The following RCC2 variants were observed in gnomAD, a reference collection of about 807,000 sequenced individuals.
RCC2 encodes the protein regulator of chromosome condensation 2.
A neutral mutation model predicts 64.1 loss-of-function variants in RCC2; 19 were observed. The ratio of observed to expected loss-of-function variants is 0.30; its 90% CI spans 0.21 to 0.44. The LOEUF (loss-of-function observed/expected upper bound fraction) is 0.44, where lower values mean the gene tolerates loss of function less well. RCC2 is among the 20% of genes least tolerant of loss of function. RCC2 has a pLI of 1.00. For missense variants in RCC2, 508 were observed against 710.4 expected (o/e 0.72, Z 3.24); for synonymous variants, 325 against 279.6 (o/e 1.16, Z -1.62).
At chr1:17,430,755 TC>T (rs781191004) in intron 2 of RCC2, among the ~76,000 whole-genome samples, 2 of 150,278 alleles carry the variant, frequency 1.3e-5, no homozygotes, top group Non-Finnish European at 3.0e-5. Flanking sequence ...ACCATTGCAC[TC>T]CCAGTGTTGC....
At chr1:17,413,873 C>G (rs2075453024) in intron 8 of RCC2, among the ~76,000 whole-genome samples, 156 bp from the exon 9 acceptor site, 1 of 152,228 alleles carries the variant, frequency 6.6e-6, no homozygotes, top group Admixed American at 6.5e-5. Flanking sequence ...TGGTTCACAT[C>G]TAATCCCAAC....
intron 9 of RCC2, 86 bp from the exon 10 acceptor site, chr1:17,413,264 C>T (rs913369120): frequency 5.8e-6 from 6 of 1,036,844 alleles, no homozygotes; most frequent in Admixed American, 4.0e-5. Flanking sequence ...GAAAAGAGGA[C>T]GGGATGGCAA....
intron 2 of RCC2, among the ~76,000 whole-genome samples, chr1:17,431,362 A>ATATC (rs1243840895): frequency 2.2e-5 from 1 of 44,854 alleles, no homozygotes; most frequent in African/African-American, 7.6e-5. Flanking sequence ...AAAAAAAAAT[A>ATATC]TATATATATA....
Position 17,416,398 on chromosome 1 carries a change from A to G in RCC2, c.1026+82T>C, listed in dbSNP as rs1282315049. On this transcript the variant is annotated intron_variant, in intron 8 of 12. Transcript: ENST00000375436. ...CTACCTGGGATCAGTTCCTAGCCAA[A>G]GCCAAGCGTCAGGAAACTTGAGCAT... 3.1e-5 allele frequency: 45 copies of G among 1,472,496 alleles called. 1 individual carries two copies. In the Middle Eastern group the frequency reaches 7.5e-4, roughly 25 times the overall value. 91.2% of individuals were successfully genotyped at this position (1,472,496 alleles called of 1,614,324 possible).
intron 8 of RCC2, among the ~76,000 whole-genome samples, chr1:17,416,026 G>A (rs1356209058): frequency 3.9e-5 from 5 of 129,470 alleles, no homozygotes; most frequent in African/African-American, 1.5e-4. Context: ...CCGAGATCAC[G>A]CCATTGCACT....
rs2075445397 is a variant in RCC2, at chr1:17,413,196, A to G, written c.1208-18T>C. On this transcript the variant is annotated intron_variant, in intron 9 of 12. Coordinates refer to ENST00000375436, the MANE Select transcript of RCC2 (RefSeq NM_018715.4). ...CAGACCACCTAAGGGAAGACAAAAC[A>G]TGTTCCCAGCGTGACCAGACATCGA... 2 of 1,552,536 alleles carry G rather than the reference A, an allele frequency of 1.3e-6. No individual in the cohort carries two copies. The highest frequency in any genetic ancestry group is 2.2e-5 in the East Asian group (1 of 44,458).
chr1:17,411,166 A>G (rs560624015), intron 11 of RCC2, among the ~76,000 whole-genome samples: 1 of 152,274 alleles, frequency 6.6e-6, no homozygotes, highest in East Asian at 1.9e-4. Context: ...GCTTCTAACA[A>G]GAAATAAGGG....
At chr1:17,421,290 A>AT (rs1433170573) in intron 6 of RCC2, among the ~76,000 whole-genome samples, 1 of 151,966 alleles carries the variant, frequency 6.6e-6, no homozygotes, top group African/African-American at 2.4e-5. Context: ...AAGTCAAGAG[A>AT]TGGAGACCAT....
chr1:17,413,489 C>G, intron 9 of RCC2, 48 bp downstream of exon 9: 1 of 1,582,374 alleles, frequency 6.3e-7, no homozygotes, highest in Non-Finnish European at 8.7e-7. Flanking sequence ...AATGGCTACA[C>G]GGTTCCGCAC....
At chr1:17,423,086 G>A (rs1482945260) in intron 4 of RCC2, among the ~76,000 whole-genome samples, 1 of 152,170 alleles carries the variant, frequency 6.6e-6, no homozygotes, top group African/African-American at 2.4e-5. Flanking sequence ...CACCTCCCAC[G>A]TCTCTGCTAC....
intron 7 of RCC2, among the ~76,000 whole-genome samples, chr1:17,416,947 GTATTA>G (rs748771261): frequency 2.3e-4 from 35 of 152,168 alleles, no homozygotes; most frequent in Admixed American, 5.2e-4. Context: ...TCCAGGTAAG[GTATTA>G]TACGTTCAGA....
chr1:17,421,282 G>C (rs1200007471), intron 6 of RCC2, among the ~76,000 whole-genome samples: 1 of 152,048 alleles, frequency 6.6e-6, no homozygotes, highest in Non-Finnish European at 1.5e-5. Flanking sequence ...AGATCAGGAA[G>C]TCAAGAGATG....
chr1:17,412,976 G>A, intron 10 of RCC2, 97 bp downstream of exon 10: 1 of 863,484 alleles, frequency 1.2e-6, no homozygotes, highest in Admixed American at 2.2e-5. Context: ...ACAGGCAGCA[G>A]AAACAGAGCC....
intron 12 of RCC2, among the ~76,000 whole-genome samples, 173 bp from the exon 13 acceptor site, chr1:17,409,367 A>C (rs945308966): frequency 6.6e-6 from 1 of 152,236 alleles, no homozygotes; most frequent in Non-Finnish European, 1.5e-5. Flanking sequence ...TGTGACTGCC[A>C]CCAACGCTCT....
At chr1:17,430,100 A>G (rs1394523730) in intron 2 of RCC2, among the ~76,000 whole-genome samples, 1 of 152,126 alleles carries the variant, frequency 6.6e-6, no homozygotes, top group African/African-American at 2.4e-5. Flanking sequence ...TGAACTCCTC[A>G]CTCAGTCCAC....
At position 17,437,705 on chromosome 1, in the gene RCC2, C is replaced by A. The variant is rs1322727053; in HGVS notation, c.285+525G>T. On this transcript the variant is annotated intron_variant, in intron 2 of 12. Transcript: ENST00000375436. Reference sequence around the variant, plus strand: ...GCGGCGGCCGTCAGGCCCCGCCCCCCCCGGGCGCCGGAGCCGAGGCGGCGG... The same window carrying A: ...GCGGCGGCCGTCAGGCCCCGCCCCCACCGGGCGCCGGAGCCGAGGCGGCGG... Among the ~76,000 whole-genome samples, 9 of 808 alleles carry A rather than the reference C, an allele frequency of 0.011. No homozygotes were observed. In the South Asian group the frequency reaches 0.15, roughly 14 times the overall value. 0.5% of individuals were successfully genotyped at this position (808 alleles called of 152,430 possible). A position where few individuals can be genotyped will look rare whatever the true frequency, so the allele number is the denominator to read the frequency against.
intron 2 of RCC2, among the ~76,000 whole-genome samples, chr1:17,433,232 T>C (rs1185863122): frequency 6.6e-6 from 1 of 152,268 alleles, no homozygotes; most frequent in African/African-American, 2.4e-5. Flanking sequence ...TACATAATTG[T>C]TTGCTCTAAG....
At chr1:17,416,084 G>T (rs1347057378) in intron 8 of RCC2, among the ~76,000 whole-genome samples, 2 of 112,810 alleles carry the variant, frequency 1.8e-5, no homozygotes, top group Non-Finnish European at 3.5e-5. Flanking sequence ...AAAAAGGGGG[G>T]GGGGGCGGGG....
intron 7 of RCC2, among the ~76,000 whole-genome samples, chr1:17,417,489 G>A (rs2075500745): frequency 6.6e-6 from 1 of 152,200 alleles, no homozygotes; most frequent in South Asian, 2.1e-4. Flanking sequence ...CCAACACAGT[G>A]AAGGCCTGTC....
Sources: allele counts gnomAD v4.1 joint callset (sites outside exome capture counted in the v4.1 genomes callset), GRCh38; gene constraint gnomAD v4.1.1; transcripts MANE v1.5; gene names NCBI Gene and HGNC (gene_info 2026-07-23, HGNC 2026-07-21).